Variants in IMPDH1 observed in about 807,000 individuals in gnomAD.
IMPDH1 encodes the protein inosine monophosphate dehydrogenase 1.
A neutral mutation model predicts 73.5 loss-of-function variants in IMPDH1; 41 were observed. The ratio of observed to expected loss-of-function variants is 0.56; its 90% CI spans 0.43 to 0.72. The LOEUF is 0.72. IMPDH1 is among the 30% of genes least tolerant of loss of function. IMPDH1 has a pLI of 0.00. For missense variants in IMPDH1, 645 were observed against 824.8 expected (o/e 0.78, Z 2.67); for synonymous variants, 318 against 334.3 (o/e 0.95, Z 0.53).
intron 9 of IMPDH1, among the ~76,000 whole-genome samples, chr7:128,399,472 T>C (rs1178100879): frequency 1.3e-5 from 2 of 149,628 alleles, no homozygotes; most frequent in Non-Finnish European, 3.0e-5. Flanking sequence ...AGGCCAGGAG[T>C]TCAAGACCAG....
chr7:128,401,601 C>A (rs1473639360), intron 5 of IMPDH1, among the ~76,000 whole-genome samples: 1 of 152,142 alleles, frequency 6.6e-6, no homozygotes, highest in African/African-American at 2.4e-5. Context: ...AGACCACGGA[C>A]AGAAGCTCAG....
chr7:128,393,357 T>A (rs924869702), intron 16 of IMPDH1, among the ~76,000 whole-genome samples: 1 of 152,216 alleles, frequency 6.6e-6, no homozygotes, highest in Non-Finnish European at 1.5e-5. Flanking sequence ...AACTCCAACC[T>A]GGAGCCGAAC....
Position 128,394,324 on chromosome 7 carries a change from G to C in IMPDH1, c.1732C>G (p.Arg578Gly), listed in dbSNP as rs564606103. Residue 578 changes from arginine to glycine, a missense_variant, in exon 16 of 17, where the codon CGG (arginine) becomes GGG (glycine). Coordinates refer to ENST00000338791, the MANE Select transcript of IMPDH1 (RefSeq NM_000883.4). This position sits in a 1 kb window ranked among gnomAD's most constrained non-coding sequence, Gnocchi z 5.5. ...CCCTCAATCTGGGCCGACATGGTCC[G>C]CTTCTCAAACTTGAGCTCTCCTGAG... ...MYSGELKFEKRTMSAQIEGGV... is the reference protein window; with the variant it reads ...MYSGELKFEKGTMSAQIEGGV... 1 of 1,614,070 alleles carries C rather than the reference G, an allele frequency of 6.2e-7. No individual in the cohort carries two copies. Among genetic ancestry groups the C allele is most frequent in the South Asian group, 1.1e-5 (1 of 91,090 alleles).
rs1797954263 is a variant in IMPDH1, at chr7:128,396,886, A to G, written c.1165+46T>C. ...GCTGAAGGACAGAAAAGGGTTACTC[A>G]TTGGAGGGGCAGGAGCAGGCGGGTG... On this transcript the variant is annotated intron_variant, in intron 11 of 16. Coordinates refer to ENST00000338791, the MANE Select transcript of IMPDH1 (RefSeq NM_000883.4). This position sits in a 1 kb window ranked among gnomAD's most constrained non-coding sequence, Gnocchi z 4.0. The G allele has an allele frequency of 1.3e-5, 18 of 1,401,792 alleles. No homozygotes were observed. The highest frequency in any genetic ancestry group is 1.8e-5 in the Non-Finnish European group (18 of 986,816). 86.8% of individuals were successfully genotyped at this position (1,401,792 alleles called of 1,614,324 possible).
At position 128,398,700 on chromosome 7, in the gene IMPDH1, C is replaced by A. The variant is rs1485020540; in HGVS notation, c.875-87G>T. ...TAGGAGGGTGAAGATGAAAGTGGAC[C>A]ACTCCAGAGATTCCACTGAAGTACC... On this transcript the variant is annotated intron_variant, in intron 9 of 16. Transcript: ENST00000338791. The surrounding 1 kb of genome is among the most constrained non-coding windows in gnomAD (Gnocchi z 4.3). 4 of 1,088,166 alleles carry A rather than the reference C, an allele frequency of 3.7e-6. No individual in the cohort carries two copies. Among genetic ancestry groups the A allele is most frequent in the Non-Finnish European group, 5.6e-6 (4 of 715,508 alleles). 67.4% of individuals were successfully genotyped at this position (1,088,166 alleles called of 1,614,324 possible).
chr7:128,393,191 G>C (rs1462529306), intron 16 of IMPDH1, among the ~76,000 whole-genome samples, 163 bp from the exon 17 acceptor site: 2 of 152,190 alleles, frequency 1.3e-5, no homozygotes, highest in Non-Finnish European at 2.9e-5. Context: ...GCAGGCCCTA[G>C]GCCTCTGTCC....
Position 128,409,353 on chromosome 7 carries a change from C to G in IMPDH1, c.191-1G>C, listed in dbSNP as rs1584760548. ...GCCAGTAAGACCACTGAAGATAGTTCTAGGAGGAAACAGCTAAGGAGGGGT... is the reference window on the plus strand; with the variant it reads ...GCCAGTAAGACCACTGAAGATAGTTGTAGGAGGAAACAGCTAAGGAGGGGT... On this transcript the variant is annotated splice_acceptor_variant, in intron 2 of 16. Coordinates refer to ENST00000338791, the MANE Select transcript of IMPDH1 (RefSeq NM_000883.4). LOFTEE classifies it high-confidence loss of function. 4 of 1,614,166 alleles carry G rather than the reference C, an allele frequency of 2.5e-6. No homozygotes were observed. The highest frequency in any genetic ancestry group is 1.3e-5 in the African/African-American group (1 of 75,036).
chr7:128,395,089 C>T, intron 13 of IMPDH1, 42 bp downstream of exon 13: 1 of 1,613,968 alleles, frequency 6.2e-7, no homozygotes, highest in Non-Finnish European at 8.5e-7. Flanking sequence ...CCCCCAGCTT[C>T]CAGCCCTCGC....
chr7:128,402,023 C>T (rs534029410), intron 5 of IMPDH1, among the ~76,000 whole-genome samples: 158 of 152,246 alleles, frequency 1.0e-3, no homozygotes, highest in African/African-American at 3.6e-3. Context: ...ACCATCTTCT[C>T]TTTTGTCATG....
At chr7:128,393,846 G>A (rs955189535) in intron 16 of IMPDH1, 4 of 297,068 alleles carry the variant, frequency 1.3e-5, no homozygotes, top group South Asian at 6.8e-5. Flanking sequence ...TGCTGCCAAC[G>A]AGCACTGCCC....
At position 128,395,013 on chromosome 7, in the gene IMPDH1, C is replaced by T; in HGVS notation, c.1426G>A (p.Ala476Thr). Residue 476 changes from alanine to threonine, a missense_variant, in exon 14 of 17, where the codon GCC becomes ACC. Physicochemically the swap from Ala to Thr is moderately conservative, Grantham distance 58. Coordinates refer to ENST00000338791, the MANE Select transcript of IMPDH1 (RefSeq NM_000883.4). Reference sequence around the variant, plus strand: ...TCGCCAGGGGCCTCCGTAGTGGCGGCCAGCAGGGAGCCCATCATCACTACA... The same window carrying T: ...TCGCCAGGGGCCTCCGTAGTGGCGGTCAGCAGGGAGCCCATCATCACTACA... ...ASTVMMGSLL[A>T]ATTEAPGEYF... The T allele has an allele frequency of 6.2e-7, 1 of 1,614,020 alleles. No homozygotes were observed. Among genetic ancestry groups the T allele is most frequent in the Non-Finnish European group, 8.5e-7 (1 of 1,180,038 alleles).
intron 5 of IMPDH1, among the ~76,000 whole-genome samples, chr7:128,402,495 G>A (rs1798408784): frequency 6.6e-6 from 1 of 152,212 alleles, no homozygotes; most frequent in Admixed American, 6.5e-5. Flanking sequence ...AAACTGAACA[G>A]CTGCACCAAG....
rs541940613 is a variant in IMPDH1, at chr7:128,393,092, C to T, written c.1779-64G>A. The stretch of plus-strand genomic sequence containing the variant: ...TGTGGACCCTGCTCCTTCCCAAAAC[C>T]CTTTCCCCAGGGCCCCCAGATGTAG... On this transcript the variant is annotated intron_variant, in intron 16 of 16. Transcript: ENST00000338791. 3.2e-6 allele frequency: 5 copies of T among 1,576,996 alleles called. No homozygotes were observed. In the Admixed American group the frequency reaches 6.7e-5, roughly 21 times the overall value.
chr7:128,407,801 A>G (rs1185288486), intron 3 of IMPDH1, among the ~76,000 whole-genome samples: 45 of 152,088 alleles, frequency 3.0e-4, no homozygotes, highest in Non-Finnish European at 1.3e-4. Flanking sequence ...GGATTTTACC[A>G]TCTCAGGTGA....
chr7:128,406,275 C>A (rs1798757510), intron 3 of IMPDH1, among the ~76,000 whole-genome samples: 1 of 80,780 alleles, frequency 1.2e-5, no homozygotes, highest in African/African-American at 5.1e-5. Context: ...GACCCCCCAG[C>A]AGAGGCCCCA....
chr7:128,394,880 T>C lies in IMPDH1; in HGVS notation c.1550+9A>G, dbSNP rs374987865. The C allele has an allele frequency of 6.2e-7, 1 of 1,610,814 alleles. No homozygotes were observed. The highest frequency in any genetic ancestry group is 1.1e-5 in the South Asian group (1 of 90,992). On this transcript the variant is annotated intron_variant, in intron 14 of 16. Coordinates refer to ENST00000338791, the MANE Select transcript of IMPDH1 (RefSeq NM_000883.4). This position sits in a 1 kb window ranked among gnomAD's most constrained non-coding sequence, Gnocchi z 5.5. ...TGATCTGCCCAGGTGGGGCCCAGGG[T>C]CAGGGAACCTGAAGTATCGTTTCTG...
intron 8 of IMPDH1, 48 bp downstream of exon 8, chr7:128,400,281 AGCGT>A: frequency 6.2e-7 from 1 of 1,600,020 alleles, no homozygotes; most frequent in South Asian, 1.1e-5. Context: ...CTGAGGCCCC[AGCGT>A]GAGGGTCCTC....
chr7:128,398,727 C>A lies in IMPDH1; in HGVS notation c.875-114G>T. On this transcript the variant is annotated intron_variant, in intron 9 of 16. Transcript: ENST00000338791. The surrounding 1 kb of genome is among the most constrained non-coding windows in gnomAD (Gnocchi z 4.3). ...CTCCAGAGATTCCACTGAAGTACCC[C>A]AGTCAGCCACTAGGTGACAGCACCG... The A allele has an allele frequency of 1.2e-6, 1 of 819,378 alleles. No individual in the cohort carries two copies. Among genetic ancestry groups the A allele is most frequent in the Non-Finnish European group, 2.1e-6 (1 of 485,354 alleles). The allele number at this position is 819,378 out of a possible 1,614,324, so 50.8% of individuals were successfully genotyped here.
rs1009414938 is a variant in IMPDH1 at position 128,395,244 on chromosome 7, G to C, written c.1292C>G (p.Ala431Gly). 27 of 1,613,600 alleles carry C rather than the reference G, an allele frequency of 1.7e-5. No homozygotes were observed. The highest frequency in any genetic ancestry group is 1.9e-5 in the Non-Finnish European group (23 of 1,180,050). Reference protein sequence around the residue: ...VMACGRPQGTAVYKVAEYARR... With the variant: ...VMACGRPQGTGVYKVAEYARR... The stretch of plus-strand genomic sequence containing the variant: ...GGCATACTCAGCCACCTTGTACACA[G>C]CAGTGCCCTGGGGCCGACCACAGGC... Residue 431 changes from alanine (A) to glycine (G), a missense_variant, in exon 13 of 17, where the codon GCT becomes GGT. Transcript: ENST00000338791.
Sources: allele counts gnomAD v4.1 joint callset (sites outside exome capture counted in the v4.1 genomes callset), GRCh38; gene constraint gnomAD v4.1.1; non-coding constraint Gnocchi (gnomAD v3.1); transcripts MANE v1.5; gene names NCBI Gene and HGNC (gene_info 2026-07-23, HGNC 2026-07-21).